The following WDR4 variants were observed in gnomAD, a reference collection of about 807,000 sequenced individuals.
WDR4 encodes the protein WDR4 tRNA N7-guanosine methyltransferase non-catalytic subunit.
Under a neutral mutation model 48.6 loss-of-function variants are expected in WDR4, and 47 were observed. The ratio of observed to expected loss-of-function variants is 0.97; its 90% CI spans 0.77 to 1.23. The LOEUF (loss-of-function observed/expected upper bound fraction) is 1.23, where lower values mean the gene tolerates loss of function less well. Among genes scored for constraint, WDR4 ranks in the 50% most tolerant of loss-of-function variants. The pLI is 0.00. For missense variants in WDR4, 606 were observed against 551.6 expected (o/e 1.10, Z -0.99); for synonymous variants, 268 against 230.0 (o/e 1.17, Z -1.49).
At chr21:42,847,047 A>C (rs973481029), downstream of WDR4, among the ~76,000 whole-genome samples, 17 of 152,208 alleles carry the variant, frequency 1.1e-4, no homozygotes, top group African/African-American at 4.1e-4. Flanking sequence ...CAAAAAAAAA[A>C]ACCAGATACA....
downstream of WDR4, among the ~76,000 whole-genome samples, chr21:42,848,984 C>T (rs1258404462): frequency 4.1e-5 from 6 of 145,068 alleles, no homozygotes; most frequent in South Asian, 2.3e-4. Flanking sequence ...CACACGATCA[C>T]GCAGCGTGCA....
intron 5 of WDR4, among the ~76,000 whole-genome samples, chr21:42,860,548 G>C (rs1437830936): frequency 6.6e-6 from 1 of 152,242 alleles, no homozygotes; most frequent in Non-Finnish European, 1.5e-5. Flanking sequence ...ATCTCCACCA[G>C]TCATGGCCTC....
intron 2 of WDR4, among the ~76,000 whole-genome samples, chr21:42,874,360 A>G (rs1270010098): frequency 1.3e-5 from 2 of 152,140 alleles, no homozygotes; most frequent in African/African-American, 4.8e-5. Flanking sequence ...ACCCTGTGAT[A>G]ATTGCGTTGA....
chr21:42,857,063 G>A (rs1255052668), intron 6 of WDR4, among the ~76,000 whole-genome samples: 1 of 152,066 alleles, frequency 6.6e-6, no homozygotes, highest in African/African-American at 2.4e-5. Flanking sequence ...GACCAAACCG[G>A]GCCAGGCAGC....
At chr21:42,859,763 C>T (rs759078348) in intron 5 of WDR4, 41 bp from the exon 6 acceptor site, 59 of 1,550,070 alleles carry the variant, frequency 3.8e-5, no homozygotes, top group Middle Eastern at 3.3e-4. Context: ...GCGAGCCCAG[C>T]GCCCGCAGGG....
At chr21:42,888,348 C>A in the WDR4 span, among the ~76,000 whole-genome samples, 3 of 152,090 alleles carry the variant, frequency 2.0e-5, no homozygotes, top group African/African-American at 7.2e-5. Context: ...TACTTGAGCT[C>A]AACAGTTCCA....
downstream of WDR4, among the ~76,000 whole-genome samples, chr21:42,846,760 A>G (rs116208895): frequency 3.8e-3 from 577 of 152,178 alleles, 5 homozygotes; most frequent in African/African-American, 0.013. Flanking sequence ...AGTGGCTGAC[A>G]CCTATAATCC....
intron 1 of WDR4, 54 bp from the exon 2 acceptor site, chr21:42,876,821 A>AG: frequency 6.8e-7 from 1 of 1,475,104 alleles, no homozygotes; most frequent in Admixed American, 2.0e-5. Flanking sequence ...GAGAAATAAC[A>AG]AATTTTTTTT....
downstream of WDR4, among the ~76,000 whole-genome samples, chr21:42,846,439 G>C (rs1167551042): frequency 6.6e-6 from 1 of 152,232 alleles, no homozygotes; most frequent in African/African-American, 2.4e-5. Flanking sequence ...CTCAGCAGGT[G>C]CTAAGTGTCC....
chr21:42,873,773 T>C, intron 2 of WDR4, 82 bp from the exon 3 acceptor site: 1 of 1,530,080 alleles, frequency 6.5e-7, no homozygotes, highest in Non-Finnish European at 8.9e-7. Context: ...TGGTAATTTC[T>C]AACATGGGAG....
chr21:42,879,317 C>CG (rs2058577524), intron 1 of WDR4, 90 bp downstream of exon 1: 1 of 1,548,290 alleles, frequency 6.5e-7, no homozygotes, highest in Admixed American at 1.8e-5. Context: ...AGAGTGGGTG[C>CG]GACCAGGCGG....
At chr21:42,876,657 T>A (rs73368765) in intron 2 of WDR4, 45 bp downstream of exon 2, 2 of 1,575,394 alleles carry the variant, frequency 1.3e-6, no homozygotes, top group African/African-American at 1.4e-5. Flanking sequence ...GGTCCCATTA[T>A]CGAACCATTA....
At chr21:42,877,209 T>C (rs913919208) in intron 1 of WDR4, among the ~76,000 whole-genome samples, 2 of 144,360 alleles carry the variant, frequency 1.4e-5, no homozygotes, top group African/African-American at 5.2e-5. Context: ...AAGGGCATGA[T>C]CTCAGGTCAC....
chr21:42,862,452 G>C lies in WDR4; in HGVS notation c.454-58C>G. 2.0e-6 allele frequency: 3 copies of C among 1,483,954 alleles called. No homozygotes were observed. In the South Asian group the frequency reaches 3.6e-5, roughly 18 times the overall value. 91.9% of individuals were successfully genotyped at this position (1,483,954 alleles called of 1,614,324 possible). ...GCTCACCTGAGTCTTCCCGAATCAA[G>C]TCCCTCATGGAAGAAGGCAGGGAAG... On this transcript the variant is annotated intron_variant, in intron 4 of 10. Coordinates refer to ENST00000398208, the MANE Select transcript of WDR4 (RefSeq NM_018669.6). This position sits in a 1 kb window ranked among gnomAD's most constrained non-coding sequence, Gnocchi z 4.3.
chr21:42,879,600 C>T (rs1378910891), upstream of WDR4: 5 of 1,383,894 alleles, frequency 3.6e-6, no homozygotes, highest in Non-Finnish European at 5.0e-6. Flanking sequence ...GACGTATACC[C>T]CACGTACCGC....
the WDR4 span, among the ~76,000 whole-genome samples, chr21:42,892,207 T>C: frequency 2.0e-5 from 3 of 149,010 alleles, no homozygotes; most frequent in African/African-American, 7.4e-5. Context: ...TGAGCCAAGA[T>C]GGCGCCACTG....
chr21:42,851,821 G>A (rs1467221212), intron 10 of WDR4, among the ~76,000 whole-genome samples: 3 of 152,138 alleles, frequency 2.0e-5, no homozygotes, highest in Non-Finnish European at 2.9e-5. Flanking sequence ...GAAGACCCCC[G>A]GGGCCTCTGG....
the WDR4 span, chr21:42,887,075 CT>C: frequency 6.6e-6 from 1 of 152,282 alleles, no homozygotes; most frequent in Non-Finnish European, 1.5e-5. Context: ...TCACTGCAAC[CT>C]CTGCCTTCTG....
At position 42,863,598 on chromosome 21, in the gene WDR4, T is replaced by C. The variant is rs955325619; in HGVS notation, c.297-2A>G. The C allele has an allele frequency of 6.2e-7, 1 of 1,611,678 alleles. No homozygotes were observed. The highest frequency in any genetic ancestry group is 8.5e-7 in the Non-Finnish European group (1 of 1,178,682). On this transcript the variant is annotated splice_acceptor_variant, in intron 3 of 10. Transcript: ENST00000398208. LOFTEE classifies it high-confidence loss of function. ...GCTGTACACCTCCTTGCCACGGTCCTAGAAGGCCAGAAAGACACCCCCATT... is the reference window on the plus strand; with the variant it reads ...GCTGTACACCTCCTTGCCACGGTCCCAGAAGGCCAGAAAGACACCCCCATT...
Sources: allele counts gnomAD v4.1 joint callset (sites outside exome capture counted in the v4.1 genomes callset), GRCh38; gene constraint gnomAD v4.1.1; non-coding constraint Gnocchi (gnomAD v3.1); transcripts MANE v1.5; gene names NCBI Gene and HGNC (gene_info 2026-07-23, HGNC 2026-07-21).